CMTM8: variants seen among roughly 807,000 people sequenced by gnomAD.
The protein encoded by CMTM8 is CKLF-like MARVEL transmembrane domain-containing protein 8.
A neutral mutation model predicts 18.6 loss-of-function variants in CMTM8; 12 were observed. The observed-to-expected ratio is 0.65, with a 90% CI of 0.41 to 1.05. The LOEUF (loss-of-function observed/expected upper bound fraction) is 1.05, where lower values mean the gene tolerates loss of function less well. Among genes scored for constraint, CMTM8 ranks in the 50% least tolerant of loss-of-function variants. The probability of loss-of-function intolerance (pLI) is 0.00; values close to 1 mark genes in which losing one functional copy is unlikely to be tolerated. For missense variants in CMTM8, 217 were observed against 227.2 expected, an observed-to-expected ratio of 0.95 and a Z score of 0.29; for synonymous variants, 87 against 90.6, an observed-to-expected ratio of 0.96 and a Z score of 0.23.
At chr3:32,319,928 G>C (rs928289667) in intron 1 of CMTM8, among the ~76,000 whole-genome samples, 2 of 152,148 alleles carry the variant, frequency 1.3e-5, no homozygotes, top group Admixed American at 1.3e-4. Context: ...AATTGAACTT[G>C]AAATTTGAGG....
At chr3:32,321,485 C>T (rs1053742196) in intron 1 of CMTM8, among the ~76,000 whole-genome samples, 1 of 152,098 alleles carries the variant, frequency 6.6e-6, no homozygotes, top group East Asian at 1.9e-4. Context: ...GAGCCCCCAC[C>T]CTAGGACCCC....
rs7614221 is a variant in CMTM8, at chr3:32,358,865, G to A, written c.321+1319G>A. 6.2e-4 allele frequency among the ~76,000 whole-genome samples: 94 copies of A among 152,254 alleles called. No homozygotes were observed. Among genetic ancestry groups the A allele is most frequent in the African/African-American group, 2.1e-3 (88 of 41,540 alleles). ...GATGGGCATCAGGAGGGAAAGACTC[G>A]CTTAGATGCTAGATTCAAAAAAAGT... On this transcript the variant is annotated intron_variant, in intron 2 of 3. Transcript: ENST00000307526. This position sits in a 1 kb window ranked among gnomAD's most constrained non-coding sequence, Gnocchi z 4.1.
chr3:32,365,985 A>G (rs1340727625), intron 2 of CMTM8, among the ~76,000 whole-genome samples: 2 of 151,952 alleles, frequency 1.3e-5, no homozygotes. Context: ...TTTAACCTTT[A>G]TGACGATCCT....
intron 1 of CMTM8, chr3:32,260,334 G>T: frequency 1.7e-6 from 1 of 593,508 alleles, no homozygotes; most frequent in South Asian, 2.2e-5. Flanking sequence ...TAAATATAAT[G>T]AACTATACGT....
intron 1 of CMTM8, among the ~76,000 whole-genome samples, chr3:32,279,520 C>A (rs7645020): frequency 0.043 from 4,146 of 96,278 alleles, 58 homozygotes; most frequent in Middle Eastern, 0.098. Flanking sequence ...ATCATTTTTT[C>A]TGGCTGCATA....
intron 1 of CMTM8, among the ~76,000 whole-genome samples, chr3:32,275,644 CTTTTTT>C (rs771943263): frequency 7.7e-5 from 6 of 78,100 alleles, no homozygotes; most frequent in Non-Finnish European, 9.1e-5. Flanking sequence ...CATGTACTTC[CTTTTTT>C]TTTTTTTTTT....
At chr3:32,298,612 A>T (rs1695535231) in intron 1 of CMTM8, among the ~76,000 whole-genome samples, 1 of 151,180 alleles carries the variant, frequency 6.6e-6, no homozygotes, top group Admixed American at 6.6e-5. Flanking sequence ...CTCTCCTATC[A>T]TTCGGCTCCT....
intron 1 of CMTM8, among the ~76,000 whole-genome samples, chr3:32,351,341 C>T (rs1162771715): frequency 6.6e-6 from 1 of 152,138 alleles, no homozygotes; most frequent in African/African-American, 2.4e-5. Context: ...TACAAAAATA[C>T]AGGAGAATGT....
At chr3:32,368,329 C>T (rs1278220498) in intron 3 of CMTM8, among the ~76,000 whole-genome samples, 2 of 151,644 alleles carry the variant, frequency 1.3e-5, no homozygotes, top group Non-Finnish European at 2.9e-5. Context: ...GAATATAATT[C>T]CATTTAGTTT....
intron 1 of CMTM8, among the ~76,000 whole-genome samples, chr3:32,334,021 A>T (rs1696333252): frequency 6.6e-6 from 1 of 151,190 alleles, no homozygotes; most frequent in South Asian, 2.1e-4. Context: ...TCTGTCACCG[A>T]GGCTGGGGTG....
chr3:32,319,321 C>T (rs1019643200), intron 1 of CMTM8, among the ~76,000 whole-genome samples: 11 of 151,402 alleles, frequency 7.3e-5, no homozygotes, highest in South Asian at 2.1e-4. Flanking sequence ...TCAGGTGATC[C>T]GCCCACCTCG....
chr3:32,343,044 G>A (rs777973325), intron 1 of CMTM8, among the ~76,000 whole-genome samples: 3 of 152,160 alleles, frequency 2.0e-5, no homozygotes, highest in Non-Finnish European at 2.9e-5. Flanking sequence ...TACCATGTGC[G>A]GTAGTGTCAC....
intron 1 of CMTM8, among the ~76,000 whole-genome samples, chr3:32,283,706 C>T (rs1055615141): frequency 1.3e-5 from 2 of 152,132 alleles, no homozygotes; most frequent in African/African-American, 2.4e-5. Flanking sequence ...ACATCCCCTC[C>T]CCTCTGTCCC....
intron 1 of CMTM8, among the ~76,000 whole-genome samples, chr3:32,293,209 C>T (rs1430291880): frequency 6.6e-6 from 1 of 151,982 alleles, no homozygotes; most frequent in Non-Finnish European, 1.5e-5. Flanking sequence ...ATTGATTGAA[C>T]TTGTCCACTG....
chr3:32,302,813 C>T (rs944830243), intron 1 of CMTM8, among the ~76,000 whole-genome samples: 3 of 152,212 alleles, frequency 2.0e-5, no homozygotes, highest in East Asian at 1.9e-4. Context: ...TGCGCATACA[C>T]ACCAAGTACC....
At position 32,258,624 on chromosome 3, in the gene CMTM8, T is replaced by G. The variant is rs1293825462; in HGVS notation, c.147+19505T>G. ...TCCCAGGCTCAAGTGAGCCTCTCAC[T>G]TTAGCCTCCTGAGTAGCTGGGACTA... On this transcript the variant is annotated intron_variant, in intron 1 of 3. Coordinates refer to ENST00000307526, the MANE Select transcript of CMTM8 (RefSeq NM_178868.5). 3.3e-5 allele frequency among the ~76,000 whole-genome samples: 5 copies of G among 152,048 alleles called. No homozygotes were observed. In the East Asian group the frequency reaches 9.7e-4, roughly 29 times the overall value.
rs768641791 is a variant in CMTM8, at chr3:32,362,046, C to CTTTTTCTTT, written c.321+4505_321+4506insCTTTTTTTT. ...GTTAAAGCAGCTACTATTTTCTTTT[C>CTTTTTCTTT]TTTTTTTTTTTGGAGATGGAGTCTT... On this transcript the variant is annotated intron_variant, in intron 2 of 3. Transcript: ENST00000307526. Among the ~76,000 whole-genome samples, 3 of 92,066 alleles carry CTTTTTCTTT rather than the reference C, an allele frequency of 3.3e-5. 1 individual carries two copies. The highest frequency in any genetic ancestry group is 2.1e-5 in the Non-Finnish European group (1 of 48,378). The allele number at this position is 92,066 out of a possible 152,430, so 60.4% of individuals were successfully genotyped here.
chr3:32,314,640 C>A (rs1275904614), intron 1 of CMTM8, among the ~76,000 whole-genome samples: 1 of 152,074 alleles, frequency 6.6e-6, no homozygotes, highest in Non-Finnish European at 1.5e-5. Context: ...CCACCACACC[C>A]AGCTGATTTT....
chr3:32,252,349 C>A (rs1702122125), intron 1 of CMTM8, among the ~76,000 whole-genome samples: 2 of 152,056 alleles, frequency 1.3e-5, no homozygotes, highest in South Asian at 4.1e-4. Context: ...TTTTCTATTT[C>A]TTTGCTATCG....
Sources: gnomAD v4.1 joint callset for allele counts (sites outside exome capture counted in the v4.1 genomes callset) on GRCh38, gnomAD v4.1.1 for gene constraint, Gnocchi (gnomAD v3.1) non-coding constraint, MANE v1.5 for transcripts, NCBI Gene and HGNC (gene_info 2026-07-23, HGNC 2026-07-21) for gene names.